ARHGEF26: variants seen among roughly 807,000 people sequenced by gnomAD.
ARHGEF26 encodes Rho guanine nucleotide exchange factor (GEF) 26.
ARHGEF26 carries 59 observed loss-of-function variants against 89.4 expected under a neutral mutation model. The observed-to-expected ratio is 0.66, with a 90% confidence interval of 0.54 to 0.82. The LOEUF is 0.82. Ranked by LOEUF, ARHGEF26 falls within the 40% of genes least tolerant of loss-of-function variation. The pLI is 0.00. For missense variants in ARHGEF26, 1,234 were observed against 1,085.6 expected (o/e 1.14, Z -1.92); for synonymous variants, 500 against 428.4 (o/e 1.17, Z -2.06).
At chr3:154,130,107 C>G (rs893978038) in intron 4 of ARHGEF26, among the ~76,000 whole-genome samples, 1 of 148,350 alleles carries the variant, frequency 6.7e-6, no homozygotes, top group Non-Finnish European at 1.5e-5. Flanking sequence ...GTATATGTAT[C>G]TCTGCACAAT....
rs185134188 is a variant in ARHGEF26 at position 154,151,410 on chromosome 3, T to C, written c.1327-1362T>C. Among the ~76,000 whole-genome samples the C allele has an allele frequency of 2.6e-5, 4 of 152,288 alleles. No individual in the cohort carries two copies. In the East Asian group the frequency reaches 7.7e-4, roughly 29 times the overall value. ...AGTACAGCATTGAAGAAGTGAAAAA[T>C]GTCTTTGCTGTTGCAAATATTTTAA... On this transcript the variant is annotated intron_variant, in intron 5 of 14. Transcript: ENST00000465093.
intron 4 of ARHGEF26, among the ~76,000 whole-genome samples, chr3:154,134,530 A>G (rs1196128921): frequency 1.3e-5 from 2 of 152,118 alleles, no homozygotes; most frequent in Non-Finnish European, 2.9e-5. Context: ...ATGATCACTT[A>G]ACTCCCACCT....
rs574177600 is a variant in ARHGEF26 at position 154,193,843 on chromosome 3, T to G, written c.1771-801T>G. ...TTTTTCCTTTGCTGGTTTTTTTGGG[T>G]TTTTTTTTGACTGTTTTTTCTTTGA... is the stretch of plus-strand genomic sequence containing the variant. On this transcript the variant is annotated intron_variant, in intron 8 of 14. Coordinates refer to ENST00000465093, the MANE Select transcript of ARHGEF26 (RefSeq NM_015595.4). Among the ~76,000 whole-genome samples, 174 of 96,716 alleles carry G rather than the reference T, an allele frequency of 1.8e-3. 3 individuals are homozygous for G. The highest frequency in any genetic ancestry group is 0.01 in the Admixed American group (104 of 10,058). 63.4% of individuals were successfully genotyped at this position (96,716 alleles called of 152,430 possible). A position where few individuals can be genotyped will look rare whatever the true frequency, so the allele number is the denominator to read the frequency against.
intron 10 of ARHGEF26, among the ~76,000 whole-genome samples, chr3:154,222,567 G>T (rs1056433677): frequency 1.3e-5 from 2 of 152,180 alleles, no homozygotes; most frequent in Non-Finnish European, 2.9e-5. Flanking sequence ...TTATTTAAGA[G>T]ATATAAAGGG....
chr3:154,179,516 A>C (rs357470), intron 6 of ARHGEF26, among the ~76,000 whole-genome samples: 1 of 146,998 alleles, frequency 6.8e-6, no homozygotes, highest in Non-Finnish European at 1.5e-5. Context: ...AATTGAACAG[A>C]GAGGGCTAGC....
intron 6 of ARHGEF26, among the ~76,000 whole-genome samples, chr3:154,176,863 C>G (rs1190029468): frequency 6.6e-6 from 1 of 152,106 alleles, no homozygotes; most frequent in African/African-American, 2.4e-5. Context: ...AGGCTAGTCT[C>G]GAACTCCTGG....
rs576626599 is a variant in ARHGEF26, at chr3:154,134,316, A to G, written c.1269+4597A>G. 5.9e-5 allele frequency among the ~76,000 whole-genome samples: 9 copies of G among 152,246 alleles called. No homozygotes were observed. The South Asian group carries it at 1.9e-3, about 32-fold the overall frequency. On this transcript the variant is annotated intron_variant, in intron 4 of 14. Transcript: ENST00000465093. The stretch of plus-strand genomic sequence containing the variant: ...GTAATTTATACAGGAAAAAGGGTTC[A>G]ATGGGCTTACAGTCCCCTGTGTCTG...
At chr3:154,168,721 C>T (rs1319022965) in intron 6 of ARHGEF26, among the ~76,000 whole-genome samples, 1 of 152,104 alleles carries the variant, frequency 6.6e-6, no homozygotes, top group Non-Finnish European at 1.5e-5. Context: ...CTTGTTTATC[C>T]TCCTAGCATT....
intron 9 of ARHGEF26, among the ~76,000 whole-genome samples, chr3:154,196,105 G>A (rs778410947): frequency 2.0e-5 from 3 of 151,966 alleles, no homozygotes; most frequent in African/African-American, 4.8e-5. Context: ...TGGGGTTGGG[G>A]GGCGGGGATA....
At position 154,122,417 on chromosome 3, in the gene ARHGEF26, C is replaced by T. The variant is rs762651149; in HGVS notation, c.425C>T (p.Pro142Leu). 1 of 1,610,702 alleles carries T rather than the reference C, an allele frequency of 6.2e-7. No individual in the cohort carries two copies. The highest frequency in any genetic ancestry group is 2.2e-5 in the East Asian group (1 of 44,784). The part of the protein sequence containing the change: ...AVTLPAPPPP[P>L]VLRPPRTPNA... ...ACCTTGCCTGCGCCGCCGCCGCCGC[C>T]GGTTCTGCGCCCCCCGCGGACTCCT... Residue 142 changes from proline to leucine, a missense_variant, in exon 2 of 15, where the codon CCG (proline) becomes CTG (leucine). Transcript: ENST00000465093.
At position 154,255,725 on chromosome 3, in the gene ARHGEF26, C is replaced by T; in HGVS notation, c.*252C>T. The T allele has an allele frequency of 2.3e-6, 3 of 1,287,318 alleles. No individual in the cohort carries two copies. The highest frequency in any genetic ancestry group is 2.9e-6 in the Non-Finnish European group (3 of 1,020,570). The allele number at this position is 1,287,318 out of a possible 1,614,324, so 79.7% of individuals were successfully genotyped here. On this transcript the variant is annotated 3_prime_UTR_variant, in exon 15 of 15. Transcript: ENST00000465093. ...AGGTACACAGAATAGCTGAGCAGTTCACTTCAGGGATCAGGTCATCTCTGC... is the reference window on the plus strand; with the variant it reads ...AGGTACACAGAATAGCTGAGCAGTTTACTTCAGGGATCAGGTCATCTCTGC...
At chr3:154,130,045 G>A (rs1468924034) in intron 4 of ARHGEF26, among the ~76,000 whole-genome samples, 7 of 151,720 alleles carry the variant, frequency 4.6e-5, no homozygotes, top group Admixed American at 1.3e-4. Context: ...ACATATATAT[G>A]CGTGTGTGTT....
rs1315983597 is a variant in ARHGEF26 at position 154,179,483 on chromosome 3, G to A, written c.1488-8202G>A. 5.3e-5 allele frequency among the ~76,000 whole-genome samples: 8 copies of A among 152,214 alleles called. No individual in the cohort carries two copies. The East Asian group carries it at 1.5e-3, about 29-fold the overall frequency. ...TTGCTGCTCCACAGTTGTGTGTGCAGTCCTGCAGCAGGGCCTTGAGGGAAT... is the reference window on the plus strand; with the variant it reads ...TTGCTGCTCCACAGTTGTGTGTGCAATCCTGCAGCAGGGCCTTGAGGGAAT... On this transcript the variant is annotated intron_variant, in intron 6 of 14. Transcript: ENST00000465093.
At chr3:154,226,304 T>C (rs971028617) in intron 11 of ARHGEF26, among the ~76,000 whole-genome samples, 3 of 152,226 alleles carry the variant, frequency 2.0e-5, no homozygotes, top group Non-Finnish European at 4.4e-5. Flanking sequence ...GCACTGTTTT[T>C]ATTCTCATTC....
At chr3:154,195,009 A>C (rs1714200604) in intron 9 of ARHGEF26, among the ~76,000 whole-genome samples, 1 of 152,194 alleles carries the variant, frequency 6.6e-6, no homozygotes. Flanking sequence ...AGTATCAACC[A>C]CTGTGCCAAG....
chr3:154,121,418 C>G lies in ARHGEF26; in HGVS notation c.-153C>G, dbSNP rs6796569. 0.23 allele frequency: 34,565 copies of G among 152,156 alleles called. 5,217 individuals carry two copies. The highest frequency in any genetic ancestry group is 0.47 in the East Asian group (2,398 of 5,080). The allele number at this position is 152,156 out of a possible 1,614,324, so 9.4% of individuals were successfully genotyped here. On this transcript the variant is annotated 5_prime_UTR_variant, in exon 1 of 15. Coordinates refer to ENST00000465093, the MANE Select transcript of ARHGEF26 (RefSeq NM_015595.4). ...CCGGCGCCGGCGCCGCGGTCGGCGG[C>G]AGCGCTCTCCTAAGCTCTCGCGGCT...
At chr3:154,171,334 AT>A (rs1712424529) in intron 6 of ARHGEF26, among the ~76,000 whole-genome samples, 1 of 152,184 alleles carries the variant, frequency 6.6e-6, no homozygotes, top group Non-Finnish European at 1.5e-5. Context: ...AGAATGGTAC[AT>A]TTGTTGTAAT....
intron 9 of ARHGEF26, among the ~76,000 whole-genome samples, chr3:154,216,509 A>ATC (rs1715752299): frequency 3.8e-5 from 1 of 26,346 alleles, no homozygotes; most frequent in Non-Finnish European, 8.5e-5. Flanking sequence ...TTTATTTTTT[A>ATC]TTTTTTTTTT....
intron 11 of ARHGEF26, among the ~76,000 whole-genome samples, chr3:154,236,862 C>T (rs1717157420): frequency 6.6e-6 from 1 of 152,224 alleles, no homozygotes; most frequent in South Asian, 2.1e-4. Context: ...CTGGCCTAGA[C>T]GAAGTAATGA....
Sources: allele counts gnomAD v4.1 joint callset (sites outside exome capture counted in the v4.1 genomes callset), GRCh38; gene constraint gnomAD v4.1.1; transcripts MANE v1.5; gene names NCBI Gene and HGNC (gene_info 2026-07-23, HGNC 2026-07-21).